KCNH5: variants seen among roughly 807,000 people sequenced by gnomAD.
The protein encoded by KCNH5 is potassium voltage-gated channel subfamily H member 5, also known as voltage-gated delayed rectifier potassium channel KCNH5.
A neutral mutation model predicts 96.1 loss-of-function variants in KCNH5; 46 were observed. The observed-to-expected ratio is 0.48, with a 90% confidence interval of 0.38 to 0.61. The LOEUF (loss-of-function observed/expected upper bound fraction) is 0.61, where lower values mean the gene tolerates loss of function less well. Ranked by LOEUF, KCNH5 falls within the 20% of genes least tolerant of loss-of-function variation. KCNH5 has a pLI of 0.00. For synonymous variants in KCNH5, 439 were observed against 449.8 expected, an observed-to-expected ratio of 0.98 and a Z score of 0.30; for missense variants, 907 against 1,225.8, an observed-to-expected ratio of 0.74 and a Z score of 3.88.
intron 7 of KCNH5, among the ~76,000 whole-genome samples, chr14:62,889,138 A>G (rs533472968): frequency 2.0e-5 from 3 of 152,180 alleles, no homozygotes; most frequent in Non-Finnish European, 4.4e-5. Context: ...ACCACACCCT[A>G]GGTGATATAA....
intron 10 of KCNH5, among the ~76,000 whole-genome samples, chr14:62,778,746 C>T (rs1003309): frequency 2.0e-5 from 3 of 152,132 alleles, no homozygotes; most frequent in African/African-American, 4.8e-5. Flanking sequence ...TGATAACAAA[C>T]GTATGAACTG....
At chr14:62,761,116 A>C (rs1384535330) in intron 10 of KCNH5, among the ~76,000 whole-genome samples, 2 of 152,120 alleles carry the variant, frequency 1.3e-5, no homozygotes, top group Admixed American at 6.5e-5. Context: ...GCCCTTTGGG[A>C]GGCCAAGGCC....
intron 6 of KCNH5, among the ~76,000 whole-genome samples, chr14:62,978,716 CAT>C (rs1038375741): frequency 1.7e-4 from 26 of 151,540 alleles, no homozygotes; most frequent in African/African-American, 4.8e-4. Flanking sequence ...AAAAGTATTA[CAT>C]AGTTATAAAT....
At position 63,045,327 on chromosome 14, in the gene KCNH5, CCTGA is replaced by C. The variant is rs1891904896; in HGVS notation, c.-145_-142del. The C allele has an allele frequency of 8.8e-6, 6 of 682,366 alleles. No individual in the cohort carries two copies. Among genetic ancestry groups the C allele is most frequent in the Admixed American group, 2.1e-5 (1 of 47,462 alleles). The allele number at this position is 682,366 out of a possible 1,614,324, so 42.3% of individuals were successfully genotyped here. ...GGGCGCGGCGGCGGCGACGGGGTCC[CCTGA>C]CTGTGTCTCCAGCCCGACCCGGATG... On this transcript the variant is annotated 5_prime_UTR_variant, in exon 1 of 11. Coordinates refer to ENST00000322893, the MANE Select transcript of KCNH5 (RefSeq NM_139318.5).
At chr14:62,952,513 A>G (rs1890026366) in intron 6 of KCNH5, among the ~76,000 whole-genome samples, 1 of 152,212 alleles carries the variant, frequency 6.6e-6, no homozygotes, top group Non-Finnish European at 1.5e-5. Flanking sequence ...TAATCGAAAT[A>G]CATGAAAAAC....
intron 9 of KCNH5, among the ~76,000 whole-genome samples, chr14:62,793,711 G>C (rs144657948): frequency 6.6e-6 from 1 of 151,610 alleles, no homozygotes; most frequent in East Asian, 1.9e-4. Context: ...TTGTTCAAAA[G>C]TTGAAACATT....
chr14:62,714,129 T>A (rs7157245), intron 10 of KCNH5, among the ~76,000 whole-genome samples: 55,741 of 150,072 alleles, frequency 0.37, 11,016 homozygotes, highest in Non-Finnish European at 0.44. Flanking sequence ...CAATAAAATT[T>A]AAAAAAAAAA....
chr14:62,924,064 C>T (rs1266938665), intron 7 of KCNH5, among the ~76,000 whole-genome samples: 4 of 151,760 alleles, frequency 2.6e-5, no homozygotes, highest in Non-Finnish European at 5.9e-5. Flanking sequence ...ATTTGCAAAC[C>T]ACTAATCTGA....
chr14:62,898,542 C>T (rs1459403541), intron 7 of KCNH5, among the ~76,000 whole-genome samples: 1 of 151,872 alleles, frequency 6.6e-6, no homozygotes, highest in Non-Finnish European at 1.5e-5. Context: ...TGTAAATAGA[C>T]TAACAACAGG....
At chr14:62,813,951 T>C (rs566500888) in intron 8 of KCNH5, among the ~76,000 whole-genome samples, 3 of 152,304 alleles carry the variant, frequency 2.0e-5, no homozygotes, top group Admixed American at 2.0e-4. Context: ...GCTCTCTGGA[T>C]GTCACTCTGA....
At chr14:62,892,859 C>A (rs1888738875) in intron 7 of KCNH5, among the ~76,000 whole-genome samples, 1 of 152,060 alleles carries the variant, frequency 6.6e-6, no homozygotes, top group Non-Finnish European at 1.5e-5. Flanking sequence ...TGGTGTACCC[C>A]CCCAAAAATT....
At chr14:62,925,159 A>G (rs1889450021) in intron 7 of KCNH5, among the ~76,000 whole-genome samples, 1 of 152,004 alleles carries the variant, frequency 6.6e-6, no homozygotes, top group Non-Finnish European at 1.5e-5. Context: ...TGGTGCCTGT[A>G]GACCACATTT....
At chr14:63,032,961 C>G (rs909761183) in intron 1 of KCNH5, among the ~76,000 whole-genome samples, 1 of 152,118 alleles carries the variant, frequency 6.6e-6, no homozygotes, top group African/African-American at 2.4e-5. Context: ...GGGCCAAAAC[C>G]TTGGGAGTCA....
chr14:62,905,649 T>C (rs1889012752), intron 7 of KCNH5, among the ~76,000 whole-genome samples: 1 of 152,206 alleles, frequency 6.6e-6, no homozygotes. Flanking sequence ...TGCTCTCCAG[T>C]AAATTAATCC....
intron 9 of KCNH5, among the ~76,000 whole-genome samples, chr14:62,780,454 T>C (rs886073218): frequency 6.6e-6 from 1 of 151,926 alleles, no homozygotes; most frequent in Non-Finnish European, 1.5e-5. Context: ...CCTCTCTACC[T>C]AGTCAACCTT....
intron 1 of KCNH5, among the ~76,000 whole-genome samples, chr14:63,032,260 T>C (rs1207197344): frequency 2.6e-5 from 4 of 151,580 alleles, no homozygotes; most frequent in Non-Finnish European, 5.9e-5. Flanking sequence ...CTCAAAGCCC[T>C]CAAACCCCGG....
At chr14:62,799,691 T>TTATATATATATATATATA (rs71410693) in intron 9 of KCNH5, among the ~76,000 whole-genome samples, 2 of 58,016 alleles carry the variant, frequency 3.4e-5, no homozygotes, top group Non-Finnish European at 6.8e-5. Flanking sequence ...GTATATACCT[T>TTATATATATATATATATA]TATATATATA....
At chr14:62,819,157 A>G (rs762058834) in intron 8 of KCNH5, among the ~76,000 whole-genome samples, 5 of 152,032 alleles carry the variant, frequency 3.3e-5, no homozygotes, top group Admixed American at 1.3e-4. Context: ...TCGTAGAGAC[A>G]GGGTTTCACC....
At chr14:62,786,093 A>T (rs1886315534) in intron 9 of KCNH5, among the ~76,000 whole-genome samples, 1 of 152,136 alleles carries the variant, frequency 6.6e-6, no homozygotes, top group Admixed American at 6.5e-5. Flanking sequence ...CAGGAGGCTG[A>T]GGAAGGAGAA....
Sources: allele counts gnomAD v4.1 joint callset (sites outside exome capture counted in the v4.1 genomes callset), GRCh38; gene constraint gnomAD v4.1.1; transcripts MANE v1.5; gene names NCBI Gene and HGNC (gene_info 2026-07-23, HGNC 2026-07-21).